Variants in OPRD1 observed in about 807,000 individuals in gnomAD.
OPRD1 encodes opioid receptor delta 1, also known as delta-type opioid receptor.
In OPRD1, 19 loss-of-function variants were observed where a neutral mutation model predicts 17.5. The observed-to-expected ratio is 1.09, with a 90% CI of 0.76 to 1.60. The LOEUF is 1.60. Ranked by LOEUF, OPRD1 falls within the 40% of genes most tolerant of loss-of-function variation. OPRD1 has a pLI of 0.00. For synonymous variants in OPRD1, 256 were observed against 240.9 expected, an observed-to-expected ratio of 1.06 and a Z score of -0.58; for missense variants, 483 against 547.2, an observed-to-expected ratio of 0.88 and a Z score of 1.17.
Position 28,863,434 on chromosome 1 carries a change from C to A in OPRD1, c.*151C>A, listed in dbSNP as rs1569661801. 1.2e-5 allele frequency: 11 copies of A among 902,562 alleles called. No individual in the cohort carries two copies. In the East Asian group the frequency reaches 3.5e-4, roughly 28 times the overall value. The allele number at this position is 902,562 out of a possible 1,614,324, so 55.9% of individuals were successfully genotyped here. A position where few individuals can be genotyped will look rare whatever the true frequency, so the allele number is the denominator to read the frequency against. ...GGGGCCTCTGTTTCGGAGACGGGAC[C>A]GGGCCGCTAGATGGGCATGGGGTGG... On this transcript the variant is annotated 3_prime_UTR_variant, in exon 3 of 3. Transcript: ENST00000234961.
In OPRD1 at chr1:28,863,250, G is replaced by A; in HGVS notation, c.1086G>A (p.Pro362=). Residue 362 remains proline (P), a synonymous_variant, in exon 3 of 3, where the codon CCG becomes CCA. Coordinates refer to ENST00000234961, the MANE Select transcript of OPRD1 (RefSeq NM_000911.4). ...GCGAGCGTGTCACCGCCTGCACCCC[G>A]TCCGATGGTCCCGGCGGTGGCGCTG... ...TARERVTACT[P]SDGPGGGAAA The A allele has an allele frequency of 6.6e-7, 1 of 1,517,986 alleles. No homozygotes were observed. Among genetic ancestry groups the A allele is most frequent in the Non-Finnish European group, 8.7e-7 (1 of 1,143,416 alleles). The allele number at this position is 1,517,986 out of a possible 1,614,324, so 94.0% of individuals were successfully genotyped here. A position where few individuals can be genotyped will look rare whatever the true frequency, so the allele number is the denominator to read the frequency against.
chr1:28,844,978 T>G (rs1366632080), intron 1 of OPRD1, among the ~76,000 whole-genome samples: 2 of 152,062 alleles, frequency 1.3e-5, no homozygotes, highest in Non-Finnish European at 2.9e-5. Context: ...ACTCCTGACC[T>G]CAGGTGACCC....
At chr1:28,851,645 G>A (rs368680092) in intron 1 of OPRD1, among the ~76,000 whole-genome samples, 2 of 152,150 alleles carry the variant, frequency 1.3e-5, no homozygotes, top group East Asian at 3.9e-4. Context: ...GCCGAGGCGG[G>A]CGGATCACCT....
Position 28,863,405 on chromosome 1 carries a change from A to T in OPRD1, c.*122A>T. 1 of 1,132,974 alleles carries T rather than the reference A, an allele frequency of 8.8e-7. No homozygotes were observed. Among genetic ancestry groups the T allele is most frequent in the Non-Finnish European group, 1.2e-6 (1 of 852,514 alleles). 70.2% of individuals were successfully genotyped at this position (1,132,974 alleles called of 1,614,324 possible). The stretch of plus-strand genomic sequence containing the variant: ...AGAAGGTCGGAGGCTTGGGACCGCC[A>T]GATGGGGCCTCTGTTTCGGAGACGG... On this transcript the variant is annotated 3_prime_UTR_variant, in exon 3 of 3. Transcript: ENST00000234961.
Position 28,864,521 on chromosome 1 carries a change from A to G in OPRD1, c.*1238A>G, listed in dbSNP as rs1367112485. 2.0e-5 allele frequency: 3 copies of G among 151,750 alleles called. No homozygotes were observed. Among genetic ancestry groups the G allele is most frequent in the Non-Finnish European group, 4.4e-5 (3 of 67,968 alleles). 9.4% of individuals were successfully genotyped at this position (151,750 alleles called of 1,614,324 possible). A position where few individuals can be genotyped will look rare whatever the true frequency, so the allele number is the denominator to read the frequency against. On this transcript the variant is annotated 3_prime_UTR_variant, in exon 3 of 3. Transcript: ENST00000234961. ...GGGGCCCAGAGGCTTGGGAAGGAGA[A>G]GGCTTCCAAAACCAGTTCGAAAACC...
intron 1 of OPRD1, among the ~76,000 whole-genome samples, chr1:28,843,258 G>C (rs548899533): frequency 6.6e-6 from 1 of 152,024 alleles, no homozygotes; most frequent in Non-Finnish European, 1.5e-5. Context: ...CTTGATTACC[G>C]CCTTTTTTAT....
At chr1:28,860,741 G>C (rs1485948329) in intron 2 of OPRD1, among the ~76,000 whole-genome samples, 1 of 152,188 alleles carries the variant, frequency 6.6e-6, no homozygotes, top group Non-Finnish European at 1.5e-5. Context: ...GCAACCTAGG[G>C]TTCCTGCCCC....
intron 2 of OPRD1, among the ~76,000 whole-genome samples, 194 bp downstream of exon 2, chr1:28,859,497 G>A (rs900220265): frequency 5.9e-5 from 9 of 152,206 alleles, no homozygotes; most frequent in Admixed American, 4.6e-4. Flanking sequence ...ATGGGAATGG[G>A]AATAGCTGGC....
intron 1 of OPRD1, among the ~76,000 whole-genome samples, chr1:28,826,337 A>G (rs1337092110): frequency 1.3e-5 from 2 of 152,126 alleles, no homozygotes; most frequent in East Asian, 3.9e-4. Flanking sequence ...AGCCTGGGCA[A>G]CATGGCAGAA....
chr1:28,842,262 T>G (rs2088902513), intron 1 of OPRD1, among the ~76,000 whole-genome samples: 1 of 152,100 alleles, frequency 6.6e-6, no homozygotes, highest in African/African-American at 2.4e-5. Flanking sequence ...ACGCCTGAGC[T>G]CAAGCAATTC....
chr1:28,812,268 G>C lies in OPRD1; in HGVS notation c.-116G>C. The C allele has an allele frequency of 1.7e-6, 1 of 590,020 alleles. No homozygotes were observed. The highest frequency in any genetic ancestry group is 2.3e-6 in the Non-Finnish European group (1 of 430,926). 36.5% of individuals were successfully genotyped at this position (590,020 alleles called of 1,614,324 possible). ...GGCGCAGAGACAGCGGGGCGGCCGG[G>C]GCGCGGCAGCCGGCGGCGTCGGGGC... On this transcript the variant is annotated 5_prime_UTR_variant, in exon 1 of 3. Coordinates refer to ENST00000234961, the MANE Select transcript of OPRD1 (RefSeq NM_000911.4).
rs559763252 is a variant in OPRD1, at chr1:28,845,858, C to T, written c.228-13096C>T. ...ATGGAGCCATAAACAATTTCTCTTT[C>T]TAGAAAGTTGGGTCTCTGGCTCCCT... On this transcript the variant is annotated intron_variant, in intron 1 of 2. Coordinates refer to ENST00000234961, the MANE Select transcript of OPRD1 (RefSeq NM_000911.4). Among the ~76,000 whole-genome samples the T allele has an allele frequency of 3.9e-5, 6 of 152,286 alleles. No individual in the cohort carries two copies. In the South Asian group the frequency reaches 1.2e-3, roughly 32 times the overall value.
chr1:28,863,778 C>T lies in OPRD1; in HGVS notation c.*495C>T, dbSNP rs9282805. 2,886 of 154,656 alleles carry T rather than the reference C, an allele frequency of 0.019. 54 individuals carry two copies. The highest frequency in any genetic ancestry group is 0.034 in the South Asian group (166 of 4,856). The allele number at this position is 154,656 out of a possible 1,614,324, so 9.6% of individuals were successfully genotyped here. On this transcript the variant is annotated 3_prime_UTR_variant, in exon 3 of 3. Coordinates refer to ENST00000234961, the MANE Select transcript of OPRD1 (RefSeq NM_000911.4). The stretch of plus-strand genomic sequence containing the variant: ...GGGCCTCTGTGTAGTAGGGAGGAGC[C>T]TCCTGTGAGGGGAGACCCAGAGACA...
Position 28,870,434 on chromosome 1 carries a change from G to C in OPRD1, c.*7151G>C, listed in dbSNP as rs917273564. On this transcript the variant is annotated 3_prime_UTR_variant, in exon 3 of 3. Transcript: ENST00000234961. ...AATTTTGTATTTTTAGTAGAGACGG[G>C]GTTTCGCCGTGTTGGCCAGGCTGGT... The C allele has an allele frequency of 2.0e-5, 3 of 151,908 alleles. No individual in the cohort carries two copies. Among genetic ancestry groups the C allele is most frequent in the Non-Finnish European group, 4.4e-5 (3 of 67,998 alleles). The allele number at this position is 151,908 out of a possible 1,614,324, so 9.4% of individuals were successfully genotyped here. A position where few individuals can be genotyped will look rare whatever the true frequency, so the allele number is the denominator to read the frequency against.
In OPRD1 at chr1:28,862,974, C is replaced by T. The variant is rs749081223; in HGVS notation, c.810C>T (p.Phe270=). Residue 270 remains phenylalanine, a synonymous_variant, in exon 3 of 3, where the codon TTC becomes TTT. Transcript: ENST00000234961. ...TGGTGCTGGTGGTTGTGGGCGCCTTCGTGGTGTGTTGGGCGCCCATCCACA... is the reference window on the plus strand; with the variant it reads ...TGGTGCTGGTGGTTGTGGGCGCCTTTGTGGTGTGTTGGGCGCCCATCCACA... ...TRMVLVVVGA[F]VVCWAPIHIF... The T allele has an allele frequency of 2.5e-6, 4 of 1,611,386 alleles. No individual in the cohort carries two copies. Among genetic ancestry groups the T allele is most frequent in the Non-Finnish European group, 3.4e-6 (4 of 1,179,098 alleles).
Position 28,812,437 on chromosome 1 carries a change from C to A in OPRD1, c.54C>A (p.Asn18Lys). 2 of 1,493,730 alleles carry A rather than the reference C, an allele frequency of 1.3e-6. No individual in the cohort carries two copies. The highest frequency in any genetic ancestry group is 5.6e-5 in the East Asian group (2 of 35,436). 92.5% of individuals were successfully genotyped at this position (1,493,730 alleles called of 1,614,324 possible). ...GAELQPPLFA[N>K]ASDAYPSACP... ...AGCTGCAGCCCCCGCTCTTCGCCAA[C>A]GCCTCGGACGCCTACCCTAGCGCCT... Residue 18 changes from asparagine (N) to lysine (K), a missense_variant, in exon 1 of 3, where the codon AAC becomes AAA. Asn to Lys is a moderately conservative substitution (Grantham distance 94). Coordinates refer to ENST00000234961, the MANE Select transcript of OPRD1 (RefSeq NM_000911.4).
chr1:28,850,676 A>G (rs2088993622), intron 1 of OPRD1, among the ~76,000 whole-genome samples: 2 of 151,744 alleles, frequency 1.3e-5, no homozygotes, highest in South Asian at 2.1e-4. Flanking sequence ...CCAGCTACTC[A>G]GGAGTCTGAG....
Position 28,868,748 on chromosome 1 carries a change from G to A in OPRD1, c.*5465G>A, listed in dbSNP as rs1266744940. ...CCAGCTACTCAGGAGGCTGAGGCGG[G>A]AGAATCGCCTGAACCCAGGAAGCAG... On this transcript the variant is annotated 3_prime_UTR_variant, in exon 3 of 3. Transcript: ENST00000234961. The A allele has an allele frequency of 6.6e-6, 1 of 152,174 alleles. No individual in the cohort carries two copies. The highest frequency in any genetic ancestry group is 1.5e-5 in the Non-Finnish European group (1 of 68,142). The allele number at this position is 152,174 out of a possible 1,614,324, so 9.4% of individuals were successfully genotyped here. A position where few individuals can be genotyped will look rare whatever the true frequency, so the allele number is the denominator to read the frequency against.
intron 1 of OPRD1, among the ~76,000 whole-genome samples, chr1:28,850,102 A>T (rs172172): frequency 6.6e-6 from 1 of 151,974 alleles, no homozygotes; most frequent in South Asian, 2.1e-4. Flanking sequence ...GGATGGTCTC[A>T]ATCTTCTGAC....
Sources: gnomAD v4.1 joint callset for allele counts (sites outside exome capture counted in the v4.1 genomes callset) on GRCh38, gnomAD v4.1.1 for gene constraint, MANE v1.5 for transcripts, NCBI Gene and HGNC (gene_info 2026-07-23, HGNC 2026-07-21) for gene names.